NFATC2: variants seen among roughly 807,000 people sequenced by gnomAD.
NFATC2 encodes nuclear factor of activated T-cells, cytoplasmic 2.
In NFATC2, 22 loss-of-function variants were observed where a neutral mutation model predicts 87.3. That is an observed-to-expected ratio of 0.25 (90% CI 0.18 to 0.36). NFATC2 has a LOEUF of 0.36. NFATC2 is among the 10% of genes least tolerant of loss of function. NFATC2 has a pLI of 1.00. For synonymous variants in NFATC2, 565 were observed against 542.2 expected (o/e 1.04, Z -0.58); for missense variants, 1,149 against 1,259.1 (o/e 0.91, Z 1.32).
chr20:51,443,702 G>T (rs1432820231), intron 6 of NFATC2, among the ~76,000 whole-genome samples: 2 of 152,202 alleles, frequency 1.3e-5, no homozygotes, highest in African/African-American at 2.4e-5. Flanking sequence ...GGACTGAGAA[G>T]ACCAAGTATG....
intron 9 of NFATC2, among the ~76,000 whole-genome samples, chr20:51,406,419 T>C (rs1029287753): frequency 6.6e-6 from 1 of 152,138 alleles, no homozygotes; most frequent in African/African-American, 2.4e-5. Flanking sequence ...GGGTAACCTG[T>C]GGCGGGGAGC....
At chr20:51,431,026 C>T (rs1305721120) in intron 9 of NFATC2, among the ~76,000 whole-genome samples, 2 of 152,120 alleles carry the variant, frequency 1.3e-5, no homozygotes, top group Admixed American at 1.3e-4. Context: ...ATAATGTAAA[C>T]AGTGTCATGG....
chr20:51,469,337 A>G (rs376434860), intron 5 of NFATC2, among the ~76,000 whole-genome samples: 8 of 152,298 alleles, frequency 5.3e-5, no homozygotes, highest in African/African-American at 1.9e-4. Context: ...ATTTTTTAAT[A>G]CAACTCCCGG....
In NFATC2 at chr20:51,542,535, G is replaced by A. The variant is rs1410259391; in HGVS notation, c.-36C>T. The A allele has an allele frequency of 1.5e-6, 2 of 1,352,208 alleles. No homozygotes were observed. The highest frequency in any genetic ancestry group is 1.9e-6 in the Non-Finnish European group (2 of 1,054,086). 83.8% of individuals were successfully genotyped at this position (1,352,208 alleles called of 1,614,324 possible). ...GCGGGAAGGCTGCGGGGCCGGGGGC[G>A]AGGGCGGGCGCGGCTGGCTCTGGGA... On this transcript the variant is annotated 5_prime_UTR_variant, in exon 1 of 11. Coordinates refer to ENST00000371564, the MANE Select transcript of NFATC2 (RefSeq NM_012340.5).
At chr20:51,496,963 G>T (rs758113962) in intron 3 of NFATC2, among the ~76,000 whole-genome samples, 1 of 152,232 alleles carries the variant, frequency 6.6e-6, no homozygotes, top group South Asian at 2.1e-4. Context: ...GCCCTGGAAG[G>T]CCCCAGGCAG....
intron 9 of NFATC2, among the ~76,000 whole-genome samples, chr20:51,407,665 A>C (rs1978540226): frequency 6.6e-6 from 1 of 152,150 alleles, no homozygotes; most frequent in African/African-American, 2.4e-5. Context: ...TAACTAGTGA[A>C]ATCCTGATCC....
chr20:51,542,488 G>A lies in NFATC2; in HGVS notation c.12C>T (p.Pro4=). 6.6e-7 allele frequency: 1 copy of A among 1,521,162 alleles called. No homozygotes were observed. Among genetic ancestry groups the A allele is most frequent in the Non-Finnish European group, 8.8e-7 (1 of 1,142,604 alleles). 94.2% of individuals were successfully genotyped at this position (1,521,162 alleles called of 1,614,324 possible). A position where few individuals can be genotyped will look rare whatever the true frequency, so the allele number is the denominator to read the frequency against. Residue 4 remains proline, a synonymous_variant, in exon 1 of 11, where the codon CCC becomes CCT. Transcript: ENST00000371564. Reference sequence around the variant, plus strand: ...CGCCGTCGGGTTGGGGCTGCCGCTCGGGGGCGTTCATGGCGCGCAGGGCGG... The same window carrying A: ...CGCCGTCGGGTTGGGGCTGCCGCTCAGGGGCGTTCATGGCGCGCAGGGCGG... MNA[P]ERQPQPDGGD...
intron 3 of NFATC2, among the ~76,000 whole-genome samples, 164 bp from the exon 4 acceptor site, chr20:51,475,824 G>C: frequency 6.6e-6 from 1 of 152,156 alleles, no homozygotes; most frequent in Middle Eastern, 3.2e-3. Context: ...CAGCCAGAGG[G>C]TAACGCTTGG....
rs1444298964 is a variant in NFATC2 at position 51,523,794 on chromosome 20, C to T, written c.447G>A (p.Pro149=). ...QPPLAGVAAS[P]RFTLPVPGFE... Reference sequence around the variant, plus strand: ...AGCCGGGCACGGGCAGGGTGAACCTCGGGCTGGCGGCCACCCCGGCCAGGG... The same window carrying T: ...AGCCGGGCACGGGCAGGGTGAACCTTGGGCTGGCGGCCACCCCGGCCAGGG... The change falls in exon 2 of 11, where the codon CCG becomes CCA. Residue 149 remains proline, a synonymous_variant. Coordinates refer to ENST00000371564, the MANE Select transcript of NFATC2 (RefSeq NM_012340.5). This position sits in a 1 kb window ranked among gnomAD's most constrained non-coding sequence, Gnocchi z 6.9. The T allele has an allele frequency of 9.3e-6, 15 of 1,608,800 alleles. No individual in the cohort carries two copies. Among genetic ancestry groups the T allele is most frequent in the Admixed American group, 5.1e-5 (3 of 59,120 alleles).
rs779382116 is a variant in NFATC2 at position 51,432,366 on chromosome 20, G to A, written c.2423C>T (p.Ser808Leu). 6.8e-6 allele frequency: 11 copies of A among 1,612,862 alleles called. No homozygotes were observed. Among genetic ancestry groups the A allele is most frequent in the South Asian group, 1.1e-5 (1 of 90,916 alleles). ...LHPSPTNQQA[S>L]PVIHYSPTNQ... ...GGTGGGTGAGTAGTGGATCACAGGC[G>A]AGGCCTGCTGGTTGGTCGGAGAGGG... The change falls in exon 9 of 11, where the codon TCG becomes TTG. Residue 808 changes from serine to leucine, a missense_variant. Ser to Leu is a moderately radical substitution (Grantham distance 145, BLOSUM62 -2). Coordinates refer to ENST00000371564, the MANE Select transcript of NFATC2 (RefSeq NM_012340.5). The surrounding 1 kb of genome is among the most constrained non-coding windows in gnomAD (Gnocchi z 4.6).
chr20:51,466,550 A>G (rs1220582168), intron 5 of NFATC2, among the ~76,000 whole-genome samples: 1 of 152,178 alleles, frequency 6.6e-6, no homozygotes, highest in African/African-American at 2.4e-5. Context: ...AGGGAAAACA[A>G]TGGAGCTGGA....
chr20:51,556,317 C>T (rs2146842332), intron 1 of NFATC2, among the ~76,000 whole-genome samples: 1 of 152,332 alleles, frequency 6.6e-6, no homozygotes, highest in East Asian at 1.9e-4. Context: ...ATAGCAGCCA[C>T]TGGAAACTAC....
chr20:51,482,780 T>C (rs374324510), intron 3 of NFATC2, among the ~76,000 whole-genome samples: 6 of 152,386 alleles, frequency 3.9e-5, no homozygotes, highest in East Asian at 1.9e-4. Context: ...ACTGAAGTTA[T>C]CTACGCTTTC....
intron 9 of NFATC2, among the ~76,000 whole-genome samples, chr20:51,417,250 C>G (rs961063107): frequency 5.9e-5 from 9 of 152,144 alleles, no homozygotes; most frequent in African/African-American, 2.2e-4. Context: ...ATTTCCTGTA[C>G]TTGTCAGTCT....
intron 9 of NFATC2, among the ~76,000 whole-genome samples, chr20:51,424,205 CCA>C (rs1175902707): frequency 1.3e-5 from 2 of 152,188 alleles, no homozygotes; most frequent in Non-Finnish European, 2.9e-5. Context: ...CTGTAGGCAA[CCA>C]CAGTTTTCTG....
chr20:51,514,033 T>A (rs1310732841), intron 3 of NFATC2, among the ~76,000 whole-genome samples: 2 of 152,258 alleles, frequency 1.3e-5, no homozygotes, highest in Non-Finnish European at 1.5e-5. Flanking sequence ...ACTTGACCTG[T>A]TACCTGCATC....
chr20:51,531,725 GA>G (rs1400882718), intron 1 of NFATC2, among the ~76,000 whole-genome samples: 1 of 152,206 alleles, frequency 6.6e-6, no homozygotes, highest in African/African-American at 2.4e-5. Flanking sequence ...AAGACACACA[GA>G]ATCAATACCC....
At chr20:51,397,851 A>G (rs1987417900) in intron 10 of NFATC2, among the ~76,000 whole-genome samples, 1 of 152,348 alleles carries the variant, frequency 6.6e-6, no homozygotes. Flanking sequence ...TCCGATTAGA[A>G]TATGGAGAAG....
At chr20:51,398,428 T>TC (rs1308973147) in intron 10 of NFATC2, among the ~76,000 whole-genome samples, 33 of 151,828 alleles carry the variant, frequency 2.2e-4, no homozygotes. Context: ...TGGGGCCTCA[T>TC]CCCCCCTTCT....
Sources: allele counts gnomAD v4.1 joint callset (sites outside exome capture counted in the v4.1 genomes callset), GRCh38; gene constraint gnomAD v4.1.1; non-coding constraint Gnocchi (gnomAD v3.1); transcripts MANE v1.5; gene names NCBI Gene and HGNC (gene_info 2026-07-23, HGNC 2026-07-21).